The following GNB1 variants were observed in gnomAD, a reference collection of about 807,000 sequenced individuals.
GNB1 encodes guanine nucleotide-binding protein G(I)/G(S)/G(T) subunit beta-1.
A neutral mutation model predicts 42.9 loss-of-function variants in GNB1; 2 were observed. The observed-to-expected ratio is 0.05, with a 90% CI of 0.02 to 0.15. GNB1 has a LOEUF of 0.15. GNB1 is among the 10% of genes least tolerant of loss of function. GNB1 has a pLI of 1.00. For synonymous variants in GNB1, 183 were observed against 174.7 expected, an observed-to-expected ratio of 1.05 and a Z score of -0.38; for missense variants, 193 against 462.2, an observed-to-expected ratio of 0.42 and a Z score of 5.34.
intron 2 of GNB1, among the ~76,000 whole-genome samples, chr1:1,826,832 G>A (rs1310022205): frequency 6.6e-6 from 1 of 152,182 alleles, no homozygotes; most frequent in Non-Finnish European, 1.5e-5. Flanking sequence ...ATTTTCCCAA[G>A]AGAATGTCAT....
intron 8 of GNB1, among the ~76,000 whole-genome samples, chr1:1,791,172 ATT>A (rs34703999): frequency 3.5e-5 from 5 of 141,912 alleles, no homozygotes; most frequent in African/African-American, 5.2e-5. Context: ...CACACCTGGT[ATT>A]TTTTTTTTTT....
intron 4 of GNB1, among the ~76,000 whole-genome samples, chr1:1,816,665 T>G (rs1646861384): frequency 6.8e-6 from 1 of 147,456 alleles, no homozygotes; most frequent in South Asian, 2.2e-4. Context: ...TTTTTTTTTT[T>G]TAAGATGGAG....
intron 1 of GNB1, among the ~76,000 whole-genome samples, chr1:1,889,697 T>C (rs1397066998): frequency 6.6e-6 from 1 of 150,546 alleles, no homozygotes; most frequent in Non-Finnish European, 1.5e-5. Context: ...GAAGATGAAT[T>C]AAGCAAACAA....
chr1:1,845,824 T>TACACAC (rs55953457), intron 1 of GNB1, among the ~76,000 whole-genome samples: 3,338 of 140,218 alleles, frequency 0.024, 73 homozygotes, highest in African/African-American at 0.043. Flanking sequence ...TGTAAGTCCA[T>TACACAC]ACACACACAC....
At chr1:1,879,393 A>C (rs1649717223) in intron 1 of GNB1, among the ~76,000 whole-genome samples, 3 of 152,220 alleles carry the variant, frequency 2.0e-5, no homozygotes, top group Admixed American at 2.0e-4. Context: ...GTTACCATAC[A>C]TAACATTTTT....
At chr1:1,829,727 G>A (rs187214382) in intron 2 of GNB1, among the ~76,000 whole-genome samples, 115 of 152,256 alleles carry the variant, frequency 7.6e-4, no homozygotes, top group African/African-American at 2.7e-3. Context: ...GCCAATGCCA[G>A]GGCAAGCCAT....
rs139147723 is a variant in GNB1 at position 1,817,037 on chromosome 1, T to G, written c.96+800A>C. Reference sequence around the variant, plus strand: ...TTGTAAAACCACTGCCACCATCTAGTTCCAAACCATCTTCCAAAAGGAGAC... The same window carrying G: ...TTGTAAAACCACTGCCACCATCTAGGTCCAAACCATCTTCCAAAAGGAGAC... On this transcript the variant is annotated intron_variant, in intron 4 of 11. Transcript: ENST00000378609. Among the ~76,000 whole-genome samples the G allele has an allele frequency of 2.2e-3, 337 of 152,258 alleles. 1 individual carries two copies. The highest frequency in any genetic ancestry group is 7.8e-3 in the African/African-American group (323 of 41,540).
chr1:1,887,485 T>C (rs1650220597), intron 1 of GNB1, among the ~76,000 whole-genome samples: 1 of 152,190 alleles, frequency 6.6e-6, no homozygotes, highest in Non-Finnish European at 1.5e-5. Flanking sequence ...AGAACAAAGC[T>C]CTGGTACTTT....
intron 1 of GNB1, among the ~76,000 whole-genome samples, chr1:1,859,169 G>A (rs141896837): frequency 2.8e-3 from 421 of 152,022 alleles, no homozygotes; most frequent in African/African-American, 9.7e-3. Flanking sequence ...TTAGAGGCAT[G>A]CACCACAAAG....
At chr1:1,788,814 C>A (rs1318408044) in intron 10 of GNB1, 1 of 483,840 alleles carries the variant, frequency 2.1e-6, no homozygotes. Flanking sequence ...CCCTCTCCTG[C>A]CCACTGACTC....
At chr1:1,819,513 G>T (rs1159367386) in intron 3 of GNB1, among the ~76,000 whole-genome samples, 1 of 151,582 alleles carries the variant, frequency 6.6e-6, no homozygotes, top group Non-Finnish European at 1.5e-5. Context: ...GAGCCACCCC[G>T]CCTGGCCTCT....
At chr1:1,877,380 A>G (rs943050917) in intron 1 of GNB1, among the ~76,000 whole-genome samples, 28 of 151,632 alleles carry the variant, frequency 1.8e-4, no homozygotes, top group Non-Finnish European at 2.8e-4. Context: ...ACATCTCTAT[A>G]CACACATGCA....
chr1:1,861,934 C>T (rs1470742613), intron 1 of GNB1, among the ~76,000 whole-genome samples: 1 of 152,138 alleles, frequency 6.6e-6, no homozygotes, highest in African/African-American at 2.4e-5. Flanking sequence ...GGCGCAGTGG[C>T]TCACGCCTGT....
chr1:1,832,765 GC>G (rs1398480771), intron 2 of GNB1, among the ~76,000 whole-genome samples: 1 of 152,150 alleles, frequency 6.6e-6, no homozygotes, highest in Non-Finnish European at 1.5e-5. Context: ...CTGCAAGTTT[GC>G]CAATGACAAA....
At chr1:1,813,670 T>C (rs970187139) in intron 5 of GNB1, among the ~76,000 whole-genome samples, 2 of 151,938 alleles carry the variant, frequency 1.3e-5, no homozygotes, top group Non-Finnish European at 2.9e-5. Flanking sequence ...TTTGTACTTT[T>C]TGTAGAGAAG....
chr1:1,847,790 AG>A (rs1355687342), intron 1 of GNB1, among the ~76,000 whole-genome samples: 5 of 150,558 alleles, frequency 3.3e-5, no homozygotes, highest in Non-Finnish European at 7.4e-5. Context: ...TTAAAAGGGT[AG>A]GGGGGTGGGT....
At chr1:1,816,885 T>C (rs1217328998) in intron 4 of GNB1, among the ~76,000 whole-genome samples, 2 of 152,144 alleles carry the variant, frequency 1.3e-5, no homozygotes, top group African/African-American at 4.8e-5. Context: ...TGACCTCAAG[T>C]GATCCACCTG....
At chr1:1,841,770 T>C (rs1459365088) in intron 1 of GNB1, among the ~76,000 whole-genome samples, 2 of 152,088 alleles carry the variant, frequency 1.3e-5, no homozygotes, top group African/African-American at 2.4e-5. Context: ...TAAAAATGAG[T>C]GTGGAAGGAA....
chr1:1,847,272 T>C (rs1647719779), intron 1 of GNB1, among the ~76,000 whole-genome samples: 1 of 152,236 alleles, frequency 6.6e-6, no homozygotes, highest in South Asian at 2.1e-4. Flanking sequence ...GCCAGTCTCT[T>C]GGTTGTGGAA....
Sources: gnomAD v4.1 joint callset for allele counts (sites outside exome capture counted in the v4.1 genomes callset) on GRCh38, gnomAD v4.1.1 for gene constraint, MANE v1.5 for transcripts, NCBI Gene and HGNC (gene_info 2026-07-23, HGNC 2026-07-21) for gene names.